The following SNTG1 variants were observed in gnomAD, a reference collection of about 807,000 sequenced individuals.
SNTG1 encodes the protein syntrophin gamma 1, also known as gamma-1-syntrophin.
SNTG1 carries 39 observed loss-of-function variants against 74.7 expected under a neutral mutation model. The ratio of observed to expected loss-of-function variants is 0.52; its 90% confidence interval spans 0.40 to 0.68. The LOEUF (loss-of-function observed/expected upper bound fraction) is 0.68, where lower values mean the gene tolerates loss of function less well. Among genes scored for constraint, SNTG1 ranks in the 30% least tolerant of loss-of-function variants. The pLI is 0.00. For synonymous variants in SNTG1, 254 were observed against 217.1 expected (o/e 1.17, Z -1.49); for missense variants, 685 against 609.5 (o/e 1.12, Z -1.30).
chr8:50,179,585 G>C (rs963172242), intron 2 of SNTG1, among the ~76,000 whole-genome samples: 1 of 152,008 alleles, frequency 6.6e-6, no homozygotes, highest in African/African-American at 2.4e-5. Context: ...CCCACAACTT[G>C]AAAGGAAAAA....
intron 1 of SNTG1, among the ~76,000 whole-genome samples, chr8:49,993,806 T>C (rs1397020242): frequency 1.3e-5 from 2 of 152,240 alleles, no homozygotes; most frequent in African/African-American, 2.4e-5. Flanking sequence ...CAGTCTATCA[T>C]TGATGGGATT....
At chr8:50,421,190 G>A (rs1415076034) in intron 4 of SNTG1, among the ~76,000 whole-genome samples, 2 of 151,910 alleles carry the variant, frequency 1.3e-5, no homozygotes, top group Non-Finnish European at 2.9e-5. Context: ...ATCTCCACAA[G>A]AAAGAATTCA....
chr8:50,562,887 A>G (rs944468856), intron 12 of SNTG1, among the ~76,000 whole-genome samples: 4 of 152,232 alleles, frequency 2.6e-5, no homozygotes, highest in African/African-American at 4.8e-5. Flanking sequence ...TACTTAATTT[A>G]TAACCAACTG....
At chr8:50,769,726 T>A (rs1431490581) in intron 18 of SNTG1, among the ~76,000 whole-genome samples, 1 of 152,042 alleles carries the variant, frequency 6.6e-6, no homozygotes, top group East Asian at 1.9e-4. Context: ...TATCAAGATA[T>A]TGGCTGACAT....
intron 12 of SNTG1, among the ~76,000 whole-genome samples, chr8:50,558,459 G>GAAAA (rs772976409): frequency 4.7e-4 from 71 of 152,156 alleles, no homozygotes; most frequent in Non-Finnish European, 9.3e-4. Context: ...GAAAAAGAAA[G>GAAAA]GAAAACAAAA....
intron 15 of SNTG1, among the ~76,000 whole-genome samples, chr8:50,664,470 T>A (rs10099354): frequency 5.3e-4 from 80 of 152,216 alleles, no homozygotes; most frequent in South Asian, 3.1e-3. Flanking sequence ...ATTAATTCAC[T>A]AAGACACTTA....
intron 8 of SNTG1, among the ~76,000 whole-genome samples, chr8:50,466,056 G>C (rs1381510981): frequency 6.6e-6 from 1 of 152,058 alleles, no homozygotes; most frequent in Non-Finnish European, 1.5e-5. Flanking sequence ...TATGCCTGTA[G>C]TAAATGAAAG....
At chr8:50,514,133 T>C (rs935518105) in intron 9 of SNTG1, among the ~76,000 whole-genome samples, 8 of 152,222 alleles carry the variant, frequency 5.3e-5, no homozygotes, top group African/African-American at 1.9e-4. Flanking sequence ...GTTTCGTCAA[T>C]ATTGTTGATC....
At chr8:50,510,708 T>C (rs2094062876) in intron 9 of SNTG1, among the ~76,000 whole-genome samples, 1 of 152,178 alleles carries the variant, frequency 6.6e-6, no homozygotes, top group Non-Finnish European at 1.5e-5. Flanking sequence ...TGCGTAGAGG[T>C]GTTTATAATA....
intron 1 of SNTG1, among the ~76,000 whole-genome samples, chr8:50,169,685 G>T (rs975186995): frequency 3.3e-5 from 5 of 152,128 alleles, no homozygotes; most frequent in African/African-American, 1.2e-4. Flanking sequence ...TTCATTAGCT[G>T]TAGTGAACTC....
At chr8:50,429,266 A>G in intron 4 of SNTG1, among the ~76,000 whole-genome samples, 1 of 152,224 alleles carries the variant, frequency 6.6e-6, no homozygotes, top group South Asian at 2.1e-4. Flanking sequence ...ACAGTAATCT[A>G]AGGTGGTACT....
chr8:50,739,626 T>G (rs964599151), intron 17 of SNTG1, among the ~76,000 whole-genome samples: 1 of 151,844 alleles, frequency 6.6e-6, no homozygotes, highest in African/African-American at 2.4e-5. Flanking sequence ...GATAATGGAT[T>G]GTTGGGTGCA....
At chr8:50,706,761 T>G (rs949822111) in intron 16 of SNTG1, among the ~76,000 whole-genome samples, 8 of 152,070 alleles carry the variant, frequency 5.3e-5, no homozygotes, top group African/African-American at 1.9e-4. Flanking sequence ...CTTTCAAATT[T>G]AAAGTATGTG....
chr8:50,602,616 A>G (rs2094783045), intron 13 of SNTG1, among the ~76,000 whole-genome samples: 1 of 151,904 alleles, frequency 6.6e-6, no homozygotes, highest in Non-Finnish European at 1.5e-5. Flanking sequence ...CTTTCAGGTG[A>G]TTTTTTCTTG....
At chr8:50,633,954 A>G (rs1038336539) in intron 13 of SNTG1, among the ~76,000 whole-genome samples, 1 of 152,192 alleles carries the variant, frequency 6.6e-6, no homozygotes, top group African/African-American at 2.4e-5. Context: ...TCTCTCTTCC[A>G]TAAGTGCCAA....
In SNTG1 at chr8:50,013,690, G is replaced by A. The variant is rs574806339; in HGVS notation, c.-103+101459G>A. On this transcript the variant is annotated intron_variant, in intron 1 of 18. Transcript: ENST00000642720. Reference sequence around the variant, plus strand: ...GTGATGCATATAATTACGGTAATGAGATCAGAATAATTAGCATGTTGTGCT... The same window carrying A: ...GTGATGCATATAATTACGGTAATGAAATCAGAATAATTAGCATGTTGTGCT... Among the ~76,000 whole-genome samples the A allele has an allele frequency of 1.2e-4, 19 of 152,172 alleles. No individual in the cohort carries two copies. The South Asian group carries it at 3.9e-3, about 32-fold the overall frequency.
Position 50,402,304 on chromosome 8 carries a change from A to G in SNTG1, c.122A>G (p.Gln41Arg), listed in dbSNP as rs778303972. Reference protein sequence around the residue: ...LAKDILMIQEQDVICVSGEPF... With the variant: ...LAKDILMIQERDVICVSGEPF... The stretch of plus-strand genomic sequence containing the variant: ...AAAGACATTTTGATGATCCAGGAAC[A>G]GGATGTGATATGTGTGTCTGGTGAG... The change falls in exon 4 of 19, where the codon CAG (glutamine) becomes CGG (arginine). Residue 41 changes from glutamine to arginine, a missense_variant. Gln to Arg is a conservative substitution (Grantham distance 43). Transcript: ENST00000642720. The G allele has an allele frequency of 1.9e-6, 3 of 1,613,184 alleles. No homozygotes were observed. Among genetic ancestry groups the G allele is most frequent in the East Asian group, 2.2e-5 (1 of 44,872 alleles).
At chr8:50,016,428 T>C (rs895362321) in intron 1 of SNTG1, among the ~76,000 whole-genome samples, 8 of 152,166 alleles carry the variant, frequency 5.3e-5, no homozygotes, top group Non-Finnish European at 1.5e-5. Flanking sequence ...AACGTTGAGT[T>C]CCTTGGCAAC....
chr8:49,936,915 G>A (rs1265551562), intron 1 of SNTG1, among the ~76,000 whole-genome samples: 1 of 152,154 alleles, frequency 6.6e-6, no homozygotes, highest in African/African-American at 2.4e-5. Context: ...TTGGGAGGCC[G>A]AGGTGGGCAG....
Sources: gnomAD v4.1 joint callset for allele counts (sites outside exome capture counted in the v4.1 genomes callset) on GRCh38, gnomAD v4.1.1 for gene constraint, MANE v1.5 for transcripts, NCBI Gene and HGNC (gene_info 2026-07-23, HGNC 2026-07-21) for gene names.